Variants in NFAT5 observed in about 807,000 individuals in gnomAD.
NFAT5 encodes the protein nuclear factor of activated T-cells 5.
A neutral mutation model predicts 166.5 loss-of-function variants in NFAT5; 31 were observed. That is an observed-to-expected ratio of 0.19 (90% CI 0.14 to 0.25). NFAT5 has a LOEUF of 0.25. Among genes scored for constraint, NFAT5 ranks in the 10% least tolerant of loss-of-function variants. The pLI, the probability that NFAT5 is intolerant of heterozygous loss-of-function variation, is 1.00. For synonymous variants in NFAT5, 612 were observed against 639.7 expected (o/e 0.96, Z 0.65); for missense variants, 1,449 against 1,821.8 (o/e 0.80, Z 3.72).
chr16:69,604,063 CA>C (rs1475916947), intron 2 of NFAT5, among the ~76,000 whole-genome samples: 4 of 152,108 alleles, frequency 2.6e-5, no homozygotes, highest in African/African-American at 9.7e-5. Flanking sequence ...ATCCTCAGAA[CA>C]ACCATATAAA....
intron 2 of NFAT5, among the ~76,000 whole-genome samples, chr16:69,573,173 C>T (rs1045858418): frequency 1.5e-4 from 23 of 151,884 alleles, no homozygotes; most frequent in African/African-American, 4.6e-4. Context: ...CATTTAAGAC[C>T]GGAAGATTTT....
chr16:69,653,069 C>G (rs116976140), intron 4 of NFAT5, among the ~76,000 whole-genome samples, 167 bp from the exon 5 acceptor site: 1 of 152,026 alleles, frequency 6.6e-6, no homozygotes, highest in South Asian at 2.1e-4. Context: ...TTTAAAGATA[C>G]TTTGCTCATG....
intron 11 of NFAT5, among the ~76,000 whole-genome samples, chr16:69,690,366 C>A (rs1438595873): frequency 6.6e-6 from 1 of 151,366 alleles, no homozygotes; most frequent in Non-Finnish European, 1.5e-5. Flanking sequence ...GAATTGTGTC[C>A]ATGTGTCAAC....
At chr16:69,666,261 C>T (rs1231705168) in intron 7 of NFAT5, among the ~76,000 whole-genome samples, 1 of 150,654 alleles carries the variant, frequency 6.6e-6, no homozygotes, top group Non-Finnish European at 1.5e-5. Context: ...TAGGCATGGG[C>T]AAGGACTTCA....
In NFAT5 at chr16:69,647,693, A is replaced by C; in HGVS notation, c.812+107A>C. ...CTGAGCTCAAGTTTGCATATAAAGCAACAGTGCTAATTTTATCATTGAAAT... is the reference window on the plus strand; with the variant it reads ...CTGAGCTCAAGTTTGCATATAAAGCCACAGTGCTAATTTTATCATTGAAAT... On this transcript the variant is annotated intron_variant, in intron 4 of 14. Coordinates refer to ENST00000349945, the MANE Select transcript of NFAT5 (RefSeq NM_138713.4). The surrounding 1 kb of genome is among the most constrained non-coding windows in gnomAD (Gnocchi z 4.8). 2 of 983,612 alleles carry C rather than the reference A, an allele frequency of 2.0e-6. No individual in the cohort carries two copies. Among genetic ancestry groups the C allele is most frequent in the Non-Finnish European group, 2.9e-6 (2 of 678,142 alleles). 60.9% of individuals were successfully genotyped at this position (983,612 alleles called of 1,614,324 possible). A position where few individuals can be genotyped will look rare whatever the true frequency, so the allele number is the denominator to read the frequency against.
intron 7 of NFAT5, among the ~76,000 whole-genome samples, chr16:69,663,580 A>C (rs1254513806): frequency 6.6e-6 from 1 of 150,966 alleles, no homozygotes; most frequent in Non-Finnish European, 1.5e-5. Flanking sequence ...AAAAAAAAAA[A>C]AAAAAAAGGC....
chr16:69,647,984 C>T lies in NFAT5; in HGVS notation c.812+398C>T, dbSNP rs891174933. 6.6e-6 allele frequency among the ~76,000 whole-genome samples: 1 copy of T among 151,768 alleles called. No homozygotes were observed. Among genetic ancestry groups the T allele is most frequent in the Non-Finnish European group, 1.5e-5 (1 of 67,962 alleles). ...GTCAGGAGTTCGAGACCAGCCTGAC[C>T]AACATGGTGAAACCCCATCTCTACT... is the stretch of plus-strand genomic sequence containing the variant. On this transcript the variant is annotated intron_variant, in intron 4 of 14. Coordinates refer to ENST00000349945, the MANE Select transcript of NFAT5 (RefSeq NM_138713.4). This position sits in a 1 kb window ranked among gnomAD's most constrained non-coding sequence, Gnocchi z 4.8.
chr16:69,594,919 A>G (rs543732727), intron 2 of NFAT5, among the ~76,000 whole-genome samples: 18 of 152,328 alleles, frequency 1.2e-4, no homozygotes, highest in African/African-American at 4.1e-4. Context: ...ATTCGAGGGC[A>G]GGAAACATCG....
intron 2 of NFAT5, among the ~76,000 whole-genome samples, chr16:69,623,832 G>A (rs1244132688): frequency 9.4e-6 from 1 of 106,598 alleles, no homozygotes; most frequent in East Asian, 2.6e-4. Flanking sequence ...TCTTTTTTTT[G>A]CCCAAACAAA....
intron 10 of NFAT5, among the ~76,000 whole-genome samples, chr16:69,681,496 C>T (rs532008474): frequency 1.8e-4 from 27 of 152,174 alleles, no homozygotes; most frequent in Non-Finnish European, 2.5e-4. Flanking sequence ...AGAGAGCATC[C>T]CTGCCTGCCA....
intron 4 of NFAT5, chr16:69,648,202 A>C: frequency 1.0e-6 from 1 of 984,854 alleles, no homozygotes; most frequent in Non-Finnish European, 1.2e-6. Context: ...CCAAAAAAAA[A>C]ACCGAAAGAA....
chr16:69,640,757 G>A (rs956345945), intron 3 of NFAT5, among the ~76,000 whole-genome samples: 12 of 151,922 alleles, frequency 7.9e-5, no homozygotes, highest in African/African-American at 2.7e-4. Flanking sequence ...TGAGGCAGGC[G>A]GATCAGCTGA....
chr16:69,566,195 C>T lies in NFAT5; in HGVS notation c.-107C>T. The T allele has an allele frequency of 1.1e-6, 1 of 950,240 alleles. No homozygotes were observed. Among genetic ancestry groups the T allele is most frequent in the Non-Finnish European group, 1.6e-6 (1 of 637,012 alleles). The allele number at this position is 950,240 out of a possible 1,614,324, so 58.9% of individuals were successfully genotyped here. On this transcript the variant is annotated 5_prime_UTR_variant, in exon 1 of 15. Coordinates refer to ENST00000349945, the MANE Select transcript of NFAT5 (RefSeq NM_138713.4). This position sits in a 1 kb window ranked among gnomAD's most constrained non-coding sequence, Gnocchi z 5.7. ...AGGAGGAGGCAGCGGCAGCCGCCCT[C>T]GCGTCGCCGCCCCCGGTTCGGTGCC...
chr16:69,601,699 T>G (rs1391399764), intron 2 of NFAT5, among the ~76,000 whole-genome samples: 1 of 152,246 alleles, frequency 6.6e-6, no homozygotes, highest in Non-Finnish European at 1.5e-5. Flanking sequence ...CAAAATTTAG[T>G]TAATTAGCCA....
At chr16:69,604,867 C>T (rs2033322218) in intron 2 of NFAT5, among the ~76,000 whole-genome samples, 1 of 152,132 alleles carries the variant, frequency 6.6e-6, no homozygotes, top group Admixed American at 6.5e-5. Context: ...GTTTATCCAC[C>T]TTGTAGCATG....
rs2037641157 is a variant in NFAT5 at position 69,693,538 on chromosome 16, C to G, written c.3713C>G (p.Pro1238Arg). 1 of 1,614,166 alleles carries G rather than the reference C, an allele frequency of 6.2e-7. No individual in the cohort carries two copies. Among genetic ancestry groups the G allele is most frequent in the Non-Finnish European group, 8.5e-7 (1 of 1,180,028 alleles). Residue 1238 changes from proline (P) to arginine (R), a missense_variant, in exon 13 of 15, where the codon CCT (proline) becomes CGT (arginine). Physicochemically the swap from Pro to Arg is moderately radical, Grantham distance 103 (BLOSUM62 -2). Coordinates refer to ENST00000349945, the MANE Select transcript of NFAT5 (RefSeq NM_138713.4). ...QPQVALGSLP[P>R]NPMPQSQQGT... The stretch of plus-strand genomic sequence containing the variant: ...CAGGTGGCCCTGGGCTCCCTTCCAC[C>G]TAATCCAATGCCTCAAAGCCAACAA...
chr16:69,651,598 G>A (rs545625606), intron 4 of NFAT5, among the ~76,000 whole-genome samples: 10 of 152,154 alleles, frequency 6.6e-5, no homozygotes, highest in Admixed American at 5.9e-4. Context: ...GATCTTTGAT[G>A]TGAGTCAAAA....
At chr16:69,584,922 A>G (rs2031944754) in intron 2 of NFAT5, among the ~76,000 whole-genome samples, 1 of 152,160 alleles carries the variant, frequency 6.6e-6, no homozygotes, top group Non-Finnish European at 1.5e-5. Context: ...ATACATGTAT[A>G]TATATTCACA....
intron 2 of NFAT5, 107 bp downstream of exon 2, chr16:69,568,655 GTTTTCTCCTAAA>G (rs1323843912): frequency 1.2e-5 from 10 of 823,444 alleles, no homozygotes; most frequent in African/African-American, 1.7e-5. Context: ...ACACAATGTA[GTTTTCTCCTAAA>G]GAGTCTGATC....
Sources: allele counts gnomAD v4.1 joint callset (sites outside exome capture counted in the v4.1 genomes callset), GRCh38; gene constraint gnomAD v4.1.1; non-coding constraint Gnocchi (gnomAD v3.1); transcripts MANE v1.5; gene names NCBI Gene and HGNC (gene_info 2026-07-23, HGNC 2026-07-21).